Variants in MYO3B observed in about 807,000 individuals in gnomAD.
The protein encoded by MYO3B is myosin IIIB.
In MYO3B, 156 loss-of-function variants were observed where a neutral mutation model predicts 174.6. The ratio of observed to expected loss-of-function variants is 0.89; its 90% CI spans 0.78 to 1.02. MYO3B has a LOEUF of 1.02. Ranked by LOEUF, MYO3B falls within the 50% of genes least tolerant of loss-of-function variation. The probability of loss-of-function intolerance (pLI) is 0.00; values close to 1 mark genes in which losing one functional copy is unlikely to be tolerated. For synonymous variants in MYO3B, 563 were observed against 569.1 expected, an observed-to-expected ratio of 0.99 and a Z score of 0.15; for missense variants, 1,632 against 1,639.4, an observed-to-expected ratio of 1.00 and a Z score of 0.08.
intron 8 of MYO3B, among the ~76,000 whole-genome samples, chr2:170,355,930 G>GTTTATTTA (rs1041750268): frequency 6.6e-6 from 1 of 151,634 alleles, no homozygotes; most frequent in South Asian, 2.1e-4. Context: ...TAAGGCATCA[G>GTTTATTTA]TTTATTTATT....
At chr2:170,444,101 A>G in intron 23 of MYO3B, 55 bp downstream of exon 23, 1 of 1,492,146 alleles carries the variant, frequency 6.7e-7, no homozygotes, top group South Asian at 1.1e-5. Context: ...CTCTTGACCC[A>G]GGGATAATCT....
At chr2:170,579,230 G>T (rs144560849) in intron 32 of MYO3B, among the ~76,000 whole-genome samples, 2 of 152,018 alleles carry the variant, frequency 1.3e-5, no homozygotes, top group African/African-American at 4.8e-5. Context: ...GCACAGTGGG[G>T]CACTACTAGT....
rs567243576 is a variant in MYO3B at position 170,382,024 on chromosome 2, G to A, written c.980G>A (p.Arg327Lys). 17 of 1,612,202 alleles carry A rather than the reference G, an allele frequency of 1.1e-5. No homozygotes were observed. The South Asian group carries it at 1.4e-4, about 14-fold the overall frequency. Residue 327 changes from arginine to lysine, a missense_variant, in exon 10 of 35, where the codon AGG becomes AAG. Transcript: ENST00000408978. ...TCTTGATAAATTTCTAGGCATGAGA[G>A]GATGCATACCAGAAGACCTTATCAT... Reference protein sequence around the residue: ...QNPVAKTRHERMHTRRPYHVE... With the variant: ...QNPVAKTRHEKMHTRRPYHVE...
chr2:170,620,604 A>T (rs1367511167), intron 32 of MYO3B, among the ~76,000 whole-genome samples: 1 of 152,244 alleles, frequency 6.6e-6, no homozygotes, highest in African/African-American at 2.4e-5. Flanking sequence ...TTCACAAGAC[A>T]GTAGGCAGCA....
intron 32 of MYO3B, among the ~76,000 whole-genome samples, chr2:170,588,329 C>T (rs913570377): frequency 1.3e-5 from 2 of 152,080 alleles, no homozygotes; most frequent in Non-Finnish European, 2.9e-5. Flanking sequence ...GTCCTAGCTA[C>T]TCAGGAGGCT....
chr2:170,420,492 T>C (rs2105853644), intron 22 of MYO3B, among the ~76,000 whole-genome samples: 1 of 152,252 alleles, frequency 6.6e-6, no homozygotes, highest in African/African-American at 2.4e-5. Flanking sequence ...GCTGGCAGGT[T>C]CTGTCACTAG....
intron 25 of MYO3B, among the ~76,000 whole-genome samples, chr2:170,476,094 A>ACAAGGGTGT (rs1685303023): frequency 6.6e-6 from 1 of 152,112 alleles, no homozygotes; most frequent in South Asian, 2.1e-4. Flanking sequence ...AGGACATGCG[A>ACAAGGGTGT]CAAGGGTGTG....
At chr2:170,241,433 C>T (rs150035755) in intron 7 of MYO3B, among the ~76,000 whole-genome samples, 1 of 152,256 alleles carries the variant, frequency 6.6e-6, no homozygotes, top group Non-Finnish European at 1.5e-5. Flanking sequence ...GAGCACAATC[C>T]ACTGGGAACT....
intron 32 of MYO3B, among the ~76,000 whole-genome samples, chr2:170,641,861 GGGGGGGGGGGGA>G (rs1697984095): frequency 1.3e-5 from 1 of 78,304 alleles, no homozygotes; most frequent in Admixed American, 1.4e-4. Context: ...TGTTAAGTGG[GGGGGGGGGGGGA>G]GGGGCGGGGA....
chr2:170,485,386 A>AAC (rs370436580), intron 25 of MYO3B, among the ~76,000 whole-genome samples: 4,239 of 136,718 alleles, frequency 0.031, 76 homozygotes, highest in African/African-American at 0.042. Flanking sequence ...ATCCTTTCAG[A>AAC]ACACACACAC....
chr2:170,425,277 C>T (rs972220626), intron 22 of MYO3B, among the ~76,000 whole-genome samples: 7 of 152,284 alleles, frequency 4.6e-5, no homozygotes, highest in African/African-American at 1.4e-4. Flanking sequence ...CAGTCTGGTC[C>T]ATATGTTAGA....
At chr2:170,330,049 A>G (rs1390499936) in intron 7 of MYO3B, among the ~76,000 whole-genome samples, 1 of 152,070 alleles carries the variant, frequency 6.6e-6, no homozygotes, top group East Asian at 1.9e-4. Context: ...TAGTTATTAT[A>G]CTTCATTCTT....
At chr2:170,500,420 G>C (rs1381557851) in intron 27 of MYO3B, among the ~76,000 whole-genome samples, 1 of 152,200 alleles carries the variant, frequency 6.6e-6, no homozygotes, top group East Asian at 1.9e-4. Context: ...TCTCCTGGTT[G>C]AGGAGATATC....
chr2:170,423,242 T>C (rs7598148), intron 22 of MYO3B, among the ~76,000 whole-genome samples: 73,494 of 151,852 alleles, frequency 0.48, 17,973 homozygotes, highest in Admixed American at 0.62. Context: ...CTTGGCCTCC[T>C]AAAGTGCTGG....
At position 170,339,233 on chromosome 2, in the gene MYO3B, T is replaced by C. The variant is rs75087770; in HGVS notation, c.815+3783T>C. On this transcript the variant is annotated intron_variant, in intron 8 of 34. Transcript: ENST00000408978. ...TAGGAAAAGTTTCTTTTAACCTGAA[T>C]TATACAGATAATTGCTTCAGTTCCC... is the stretch of plus-strand genomic sequence containing the variant. Among the ~76,000 whole-genome samples the C allele has an allele frequency of 2.5e-3, 377 of 152,342 alleles. 2 individuals carry two copies. Among genetic ancestry groups the C allele is most frequent in the African/African-American group, 8.8e-3 (364 of 41,578 alleles).
At chr2:170,331,166 T>C (rs2093909365) in intron 7 of MYO3B, among the ~76,000 whole-genome samples, 1 of 152,184 alleles carries the variant, frequency 6.6e-6, no homozygotes, top group African/African-American at 2.4e-5. Flanking sequence ...TGCTACAGCA[T>C]CTGGTGAGCA....
chr2:170,343,509 A>C (rs1238641476), intron 8 of MYO3B: 1 of 151,870 alleles, frequency 6.6e-6, no homozygotes, highest in Non-Finnish European at 1.5e-5. Context: ...CCCAGGTAAC[A>C]CCTTCTCCAA....
chr2:170,387,011 C>T, intron 13 of MYO3B, 95 bp from the exon 14 acceptor site: 1 of 1,209,908 alleles, frequency 8.3e-7, no homozygotes, highest in South Asian at 1.3e-5. Context: ...TGTAAAAAGA[C>T]CATGTGGATT....
chr2:170,530,277 G>T (rs1689274681), intron 30 of MYO3B, among the ~76,000 whole-genome samples: 1 of 152,160 alleles, frequency 6.6e-6, no homozygotes, highest in Non-Finnish European at 1.5e-5. Flanking sequence ...ATAATAAACA[G>T]TCCCTGATAC....
Sources: allele counts gnomAD v4.1 joint callset (sites outside exome capture counted in the v4.1 genomes callset), GRCh38; gene constraint gnomAD v4.1.1; transcripts MANE v1.5; gene names NCBI Gene and HGNC (gene_info 2026-07-23, HGNC 2026-07-21).